STT3A: variants seen among roughly 807,000 people sequenced by gnomAD.
STT3A encodes the protein dolichyl-diphosphooligosaccharide--protein glycosyltransferase subunit STT3A.
Under a neutral mutation model 89.2 loss-of-function variants are expected in STT3A, and 34 were observed. That is an observed-to-expected ratio of 0.38 (90% confidence interval 0.29 to 0.51). The LOEUF (loss-of-function observed/expected upper bound fraction) is 0.51, where lower values mean the gene tolerates loss of function less well. STT3A is among the 20% of genes least tolerant of loss of function. STT3A has a pLI of 0.89. For synonymous variants in STT3A, 282 were observed against 310.3 expected (o/e 0.91, Z 0.96); for missense variants, 555 against 889.5 (o/e 0.62, Z 4.78).
intron 6 of STT3A, among the ~76,000 whole-genome samples, chr11:125,605,009 G>A (rs1939790069): frequency 6.6e-6 from 1 of 152,174 alleles, no homozygotes; most frequent in South Asian, 2.1e-4. Flanking sequence ...GACTGAAGTG[G>A]GAGGATCGCT....
intron 1 of STT3A, 122 bp from the exon 2 acceptor site, chr11:125,595,759 T>G (rs2135900802): frequency 1.6e-6 from 1 of 610,174 alleles, no homozygotes; most frequent in Middle Eastern, 4.1e-4. Flanking sequence ...GTATTAGCCT[T>G]GACCCTGTCT....
chr11:125,618,057 C>G (rs2135946986), intron 15 of STT3A, among the ~76,000 whole-genome samples: 1 of 152,288 alleles, frequency 6.6e-6, no homozygotes, highest in African/African-American at 2.4e-5. Flanking sequence ...ATTTCAGCTG[C>G]TCAGCAGCTA....
At chr11:125,599,228 A>G (rs978662441) in intron 3 of STT3A, among the ~76,000 whole-genome samples, 1 of 152,152 alleles carries the variant, frequency 6.6e-6, no homozygotes, top group Non-Finnish European at 1.5e-5. Context: ...TCACCAAAAT[A>G]ACATCAGTGA....
intron 16 of STT3A, among the ~76,000 whole-genome samples, chr11:125,618,825 C>T (rs1480767498): frequency 6.6e-6 from 1 of 151,640 alleles, no homozygotes; most frequent in Non-Finnish European, 1.5e-5. Context: ...GCCTTGATTT[C>T]CTGGGCTGAA....
Position 125,614,304 on chromosome 11 carries a change from T to C in STT3A, c.1672-20T>C. On this transcript the variant is annotated intron_variant, in intron 14 of 17. Coordinates refer to ENST00000392708, the MANE Select transcript of STT3A (RefSeq NM_152713.5). The surrounding 1 kb of genome is among the most constrained non-coding windows in gnomAD (Gnocchi z 4.9). ...ATGACTTGGGATTTTGCTCTGAGAA[T>C]TGTACATTTGTTTTTCCAGGCAATG... 6.2e-7 allele frequency: 1 copy of C among 1,614,028 alleles called. No homozygotes were observed. Among genetic ancestry groups the C allele is most frequent in the Non-Finnish European group, 8.5e-7 (1 of 1,179,930 alleles).
Position 125,623,069 on chromosome 11 carries a change from A to C in STT3A, c.*2259A>C, listed in dbSNP as rs1940393309. 6 of 39,764 alleles carry C rather than the reference A, an allele frequency of 1.5e-4. No individual in the cohort carries two copies. The highest frequency in any genetic ancestry group is 3.0e-4 in the Non-Finnish European group (6 of 19,842). 2.5% of individuals were successfully genotyped at this position (39,764 alleles called of 1,614,324 possible). A position where few individuals can be genotyped will look rare whatever the true frequency, so the allele number is the denominator to read the frequency against. On this transcript the variant is annotated 3_prime_UTR_variant, in exon 18 of 18. Transcript: ENST00000392708. ...CTGGGAGACAGAGCAAGACTGTCTC[A>C]AAAAAAAAAAAAAAAAAAAAAAAGA...
At chr11:125,620,696 G>T in intron 17 of STT3A, 76 bp from the exon 18 acceptor site, 1 of 1,433,200 alleles carries the variant, frequency 7.0e-7, no homozygotes, top group South Asian at 1.2e-5. Flanking sequence ...CCCACTCTGG[G>T]TGAATCCATT....
upstream of STT3A, chr11:125,592,334 C>A (rs1252112653): frequency 8.8e-6 from 4 of 453,018 alleles, no homozygotes; most frequent in Non-Finnish European, 1.8e-5. Flanking sequence ...TGGACCAGTC[C>A]GCGTTTGAGT....
At position 125,620,815 on chromosome 11, in the gene STT3A, C is replaced by T; in HGVS notation, c.*5C>T. The T allele has an allele frequency of 6.2e-7, 1 of 1,612,558 alleles. No homozygotes were observed. The highest frequency in any genetic ancestry group is 8.5e-7 in the Non-Finnish European group (1 of 1,179,392). On this transcript the variant is annotated 3_prime_UTR_variant, in exon 18 of 18. Coordinates refer to ENST00000392708, the MANE Select transcript of STT3A (RefSeq NM_152713.5). ...CGAGGCTTGTCAAGGACATAAATGT[C>T]ACGTCCAGCTCTGATATGCTTCGCA... is the stretch of plus-strand genomic sequence containing the variant.
At chr11:125,592,617 T>A (rs1939337006), upstream of STT3A, 1 of 395,926 alleles carries the variant, frequency 2.5e-6, no homozygotes, top group South Asian at 1.8e-5. Context: ...GCACGTTCTT[T>A]CCGCGCTCTT....
chr11:125,594,650 G>C (rs1405811817), intron 1 of STT3A, among the ~76,000 whole-genome samples: 1 of 150,766 alleles, frequency 6.6e-6, no homozygotes, highest in Admixed American at 6.6e-5. Context: ...TGGTAGATTA[G>C]TGCTATATTG....
At chr11:125,609,127 T>C (rs960882709) in intron 9 of STT3A, among the ~76,000 whole-genome samples, 2 of 152,228 alleles carry the variant, frequency 1.3e-5, no homozygotes, top group Admixed American at 6.5e-5. Context: ...GTTGATTTAA[T>C]CTCTACAGTT....
intron 1 of STT3A, chr11:125,594,899 C>T (rs1027969142): frequency 1.3e-5 from 2 of 152,100 alleles, no homozygotes. Flanking sequence ...TGATTGGAAG[C>T]GGGTATAGAT....
chr11:125,602,438 A>G lies in STT3A; in HGVS notation c.271+14A>G, dbSNP rs965081684. 1.3e-6 allele frequency: 2 copies of G among 1,556,274 alleles called. No homozygotes were observed. Among genetic ancestry groups the G allele is most frequent in the South Asian group, 2.5e-5 (2 of 81,622 alleles). ...CAATTTACCCAGGTGAGGAGACCAG[A>G]TGTGTTTTTTTTTTTAAAAAAAAAA... On this transcript the variant is annotated intron_variant, in intron 4 of 17. Coordinates refer to ENST00000392708, the MANE Select transcript of STT3A (RefSeq NM_152713.5).
chr11:125,596,965 C>T (rs1282139077), intron 2 of STT3A, 94 bp from the exon 3 acceptor site: 3 of 1,336,176 alleles, frequency 2.2e-6, no homozygotes, highest in Non-Finnish European at 3.2e-6. Flanking sequence ...TCTGTGACCT[C>T]TCTACTGGAT....
chr11:125,614,852 T>G lies in STT3A; in HGVS notation c.1774+426T>G, dbSNP rs1291092667. Among the ~76,000 whole-genome samples the G allele has an allele frequency of 6.6e-6, 1 of 151,810 alleles. No individual in the cohort carries two copies. The highest frequency in any genetic ancestry group is 1.5e-5 in the Non-Finnish European group (1 of 67,986). Reference sequence around the variant, plus strand: ...TATATATATATAAAATATATATAAATAAAAGTGTGTGTAAAATGGAGGTTA... The same window carrying G: ...TATATATATATAAAATATATATAAAGAAAAGTGTGTGTAAAATGGAGGTTA... On this transcript the variant is annotated intron_variant, in intron 15 of 17. Coordinates refer to ENST00000392708, the MANE Select transcript of STT3A (RefSeq NM_152713.5). The surrounding 1 kb of genome is among the most constrained non-coding windows in gnomAD (Gnocchi z 4.9).
rs1200688541 is a variant in STT3A at position 125,604,164 on chromosome 11, G to C, written c.425G>C (p.Gly142Ala). 6.2e-7 allele frequency: 1 copy of C among 1,613,992 alleles called. No homozygotes were observed. The highest frequency in any genetic ancestry group is 2.2e-5 in the East Asian group (1 of 44,876). ...ACCCTTTTTTTCTTACAGGATGCAG[G>C]GGCTGGGCTTCTTGCTGCTGCCATG... ...YHLTKELKDA[G>A]AGLLAAAMIA... The change falls in exon 6 of 18, where the codon GGG becomes GCG. Residue 142 changes from glycine (G) to alanine (A), a missense_variant. Physicochemically the swap from Gly to Ala is moderately conservative, Grantham distance 60. Around this residue, in one of 5 missense-constraint regions of STT3A, gnomAD observed 129 missense variants for 193.2 expected, o/e 0.67. Coordinates refer to ENST00000392708, the MANE Select transcript of STT3A (RefSeq NM_152713.5).
At position 125,608,228 on chromosome 11, in the gene STT3A, G is replaced by C; in HGVS notation, c.900G>C (p.Arg300=). Reference sequence around the variant, plus strand: ...CACAACAATTTGAAGTTCTTTTCCGGAGCGTCATCTCTCTGGTAGGCTTTG... The same window carrying C: ...CACAACAATTTGAAGTTCTTTTCCGCAGCGTCATCTCTCTGGTAGGCTTTG... ...LNPQQFEVLF[R]SVISLVGFVL... is the part of the protein sequence containing the mutation. The change falls in exon 9 of 18, where the codon CGG becomes CGC. Residue 300 remains arginine (R), a synonymous_variant. Coordinates refer to ENST00000392708, the MANE Select transcript of STT3A (RefSeq NM_152713.5). The C allele has an allele frequency of 6.2e-7, 1 of 1,614,182 alleles. No individual in the cohort carries two copies. The highest frequency in any genetic ancestry group is 8.5e-7 in the Non-Finnish European group (1 of 1,180,020).
At chr11:125,612,002 CA>C (rs1940039906) in intron 11 of STT3A, among the ~76,000 whole-genome samples, 1 of 150,484 alleles carries the variant, frequency 6.6e-6, no homozygotes, top group Non-Finnish European at 1.5e-5. Context: ...CTCAGCCTCC[CA>C]AATAGCTGGG....
Sources: gnomAD v4.1 joint callset for allele counts (sites outside exome capture counted in the v4.1 genomes callset) on GRCh38, gnomAD v4.1.1 for gene constraint, gnomAD v4.1.1 regional missense constraint, Gnocchi (gnomAD v3.1) non-coding constraint, MANE v1.5 for transcripts, NCBI Gene and HGNC (gene_info 2026-07-23, HGNC 2026-07-21) for gene names.